Variants in TMEM268 observed in about 807,000 individuals in gnomAD.
The protein encoded by TMEM268 is transmembrane protein C9orf91.
Under a neutral mutation model 39.1 loss-of-function variants are expected in TMEM268, and 24 were observed. That is an observed-to-expected ratio of 0.61 (90% confidence interval 0.44 to 0.86). The LOEUF (loss-of-function observed/expected upper bound fraction) is 0.86. Ranked by LOEUF, TMEM268 falls within the 40% of genes least tolerant of loss-of-function variation. The pLI is 0.00. For missense variants in TMEM268, 409 were observed against 428.6 expected (o/e 0.95, Z 0.40); for synonymous variants, 176 against 173.5 (o/e 1.01, Z -0.12).
chr9:114,619,282 C>T lies in TMEM268; in HGVS notation c.106+1981C>T, dbSNP rs576909773. ...GAAACTGCTTCCCCCTCTGCGCGTG[C>T]GTGCACGCGTGCACACACACACACA... On this transcript the variant is annotated intron_variant, in intron 2 of 8. Transcript: ENST00000288502. 2.8e-3 allele frequency among the ~76,000 whole-genome samples: 338 copies of T among 119,868 alleles called. 2 individuals carry two copies. Among genetic ancestry groups the T allele is most frequent in the African/African-American group, 0.01 (308 of 29,378 alleles). The allele number at this position is 119,868 out of a possible 152,430, so 78.6% of individuals were successfully genotyped here.
chr9:114,610,253 G>A (rs1289380633), upstream of TMEM268, among the ~76,000 whole-genome samples: 1 of 152,128 alleles, frequency 6.6e-6, no homozygotes, highest in East Asian at 1.9e-4. Context: ...TGATCAGGCT[G>A]GTCTCGAACT....
chr9:114,616,005 CTTTTTTCTTTTCTTTTTTTTTT>C (rs1845690460), intron 1 of TMEM268, among the ~76,000 whole-genome samples: 1 of 137,964 alleles, frequency 7.2e-6, no homozygotes, highest in East Asian at 2.7e-4. Flanking sequence ...TTTTCTTTTT[CTTTTTTCTTTTCTTTTTTTTTT>C]TTTTTTGAGA....
chr9:114,645,645 G>T lies in TMEM268; in HGVS notation c.*2332G>T, dbSNP rs41278677. The T allele has an allele frequency of 0.038, 5,720 of 152,406 alleles. 161 individuals carry two copies. The highest frequency in any genetic ancestry group is 0.11 in the South Asian group (551 of 4,826). The allele number at this position is 152,406 out of a possible 1,614,324, so 9.4% of individuals were successfully genotyped here. A position where few individuals can be genotyped will look rare whatever the true frequency, so the allele number is the denominator to read the frequency against. On this transcript the variant is annotated 3_prime_UTR_variant, in exon 9 of 9. Coordinates refer to ENST00000288502, the MANE Select transcript of TMEM268 (RefSeq NM_153045.4). ...TTTCTCAGTCAGTCCTAGAACCCCG[G>T]TAAGTAATTAACAGAGAATAAAAAT...
chr9:114,633,792 C>T lies in TMEM268; in HGVS notation c.499C>T (p.Leu167=). The T allele has an allele frequency of 6.2e-7, 1 of 1,600,934 alleles. No homozygotes were observed. Among genetic ancestry groups the T allele is most frequent in the Non-Finnish European group, 8.5e-7 (1 of 1,173,698 alleles). Residue 167 remains leucine (L), a synonymous_variant, in exon 6 of 9, where the codon CTG becomes TTG. Transcript: ENST00000288502. ...KKANTNTDLR[L]AAANGALLRH... is the part of the protein sequence containing the mutation. Reference sequence around the variant, plus strand: ...GGCCAACACCAACACGGACCTGAGGCTGGCAGCTGCCAATGGAGCCCTCCT... The same window carrying T: ...GGCCAACACCAACACGGACCTGAGGTTGGCAGCTGCCAATGGAGCCCTCCT...
chr9:114,639,516 G>A (rs79617876), intron 8 of TMEM268, among the ~76,000 whole-genome samples: 14,512 of 151,986 alleles, frequency 0.095, 789 homozygotes, highest in East Asian at 0.15. Flanking sequence ...CTGAAAATGT[G>A]CAGCTTGTGC....
At chr9:114,632,717 A>G (rs1009431646) in intron 5 of TMEM268, among the ~76,000 whole-genome samples, 1 of 152,028 alleles carries the variant, frequency 6.6e-6, no homozygotes, top group Non-Finnish European at 1.5e-5. Flanking sequence ...AACAGATCAA[A>G]CCCATTTGAT....
Position 114,643,460 on chromosome 9 carries a change from G to A in TMEM268, c.*147G>A. On this transcript the variant is annotated 3_prime_UTR_variant, in exon 9 of 9. Coordinates refer to ENST00000288502, the MANE Select transcript of TMEM268 (RefSeq NM_153045.4). ...GGCCTGTGATGTCAGCCACTGGGGT[G>A]TTGTGCTCACTTCAGGGCCCAGCAC... The A allele has an allele frequency of 1.5e-6, 1 of 675,396 alleles. No individual in the cohort carries two copies. Among genetic ancestry groups the A allele is most frequent in the East Asian group, 2.7e-5 (1 of 37,038 alleles). The allele number at this position is 675,396 out of a possible 1,614,324, so 41.8% of individuals were successfully genotyped here.
At chr9:114,635,333 G>T (rs112493878) in intron 6 of TMEM268, among the ~76,000 whole-genome samples, 1,519 of 149,324 alleles carry the variant, frequency 0.01, 29 homozygotes, top group African/African-American at 0.036. Flanking sequence ...CTGGGCAACA[G>T]AGCGAGACTC....
In TMEM268 at chr9:114,644,569, T is replaced by C. The variant is rs890708264; in HGVS notation, c.*1256T>C. 1.3e-5 allele frequency: 2 copies of C among 151,826 alleles called. No individual in the cohort carries two copies. Among genetic ancestry groups the C allele is most frequent in the African/African-American group, 4.8e-5 (2 of 41,384 alleles). 9.4% of individuals were successfully genotyped at this position (151,826 alleles called of 1,614,324 possible). A position where few individuals can be genotyped will look rare whatever the true frequency, so the allele number is the denominator to read the frequency against. On this transcript the variant is annotated 3_prime_UTR_variant, in exon 9 of 9. Transcript: ENST00000288502. ...GGACAGAGACTACACCTTGTACTTT[T>C]TGTGCATGACCTGGACCTGCTAAGG...
chr9:114,613,068 A>C (rs927459214), intron 1 of TMEM268, among the ~76,000 whole-genome samples: 1 of 152,170 alleles, frequency 6.6e-6, no homozygotes, highest in African/African-American at 2.4e-5. Flanking sequence ...CGTTATCCCC[A>C]CTTACATGTA....
chr9:114,638,679 C>T lies in TMEM268; in HGVS notation c.802C>T (p.Leu268Phe). 6.2e-7 allele frequency: 1 copy of T among 1,604,710 alleles called. No homozygotes were observed. Reference protein sequence around the residue: ...PGNSCPNERPLMQTELHQLVP... With the variant: ...PGNSCPNERPFMQTELHQLVP... ...CAATTCTTGTCCTAACGAGAGGCCA[C>T]TCATGCAGACTGAGCTTCATCAGCT... Residue 268 changes from leucine (L) to phenylalanine (F), a missense_variant, in exon 8 of 9, where the codon CTC becomes TTC. By Grantham distance (22) the Leu-to-Phe change is conservative. Coordinates refer to ENST00000288502, the MANE Select transcript of TMEM268 (RefSeq NM_153045.4).
chr9:114,637,145 G>A, intron 7 of TMEM268, 75 bp downstream of exon 7: 1 of 990,664 alleles, frequency 1.0e-6, no homozygotes, highest in Non-Finnish European at 1.6e-6. Flanking sequence ...TCTTAAGGGT[G>A]GGAAAATGTC....
chr9:114,641,991 A>C (rs973036342), intron 8 of TMEM268, among the ~76,000 whole-genome samples: 1 of 152,172 alleles, frequency 6.6e-6, no homozygotes, highest in African/African-American at 2.4e-5. Flanking sequence ...TCAATTTTTT[A>C]ATCCTTTTTT....
chr9:114,625,608 A>AT (rs1311343726), intron 3 of TMEM268, among the ~76,000 whole-genome samples: 1 of 151,152 alleles, frequency 6.6e-6, no homozygotes, highest in Non-Finnish European at 1.5e-5. Context: ...CGGCTGGCTA[A>AT]TTTTTGTATT....
At chr9:114,609,719 GAAA>G (rs1564279362), upstream of TMEM268, among the ~76,000 whole-genome samples, 2 of 82,958 alleles carry the variant, frequency 2.4e-5, no homozygotes, top group African/African-American at 1.1e-4. Flanking sequence ...AAAAGAAAAA[GAAA>G]AAGAAAAAGA....
intron 5 of TMEM268, among the ~76,000 whole-genome samples, 197 bp from the exon 6 acceptor site, chr9:114,633,571 A>T (rs141399722): frequency 6.0e-4 from 91 of 152,232 alleles, no homozygotes; most frequent in African/African-American, 2.1e-3. Context: ...GTCTCTCAAA[A>T]CACTGGGATT....
chr9:114,622,632 G>T, intron 2 of TMEM268: 1 of 348,858 alleles, frequency 2.9e-6, no homozygotes, highest in Non-Finnish European at 4.0e-6. Context: ...GGTAGCAGTT[G>T]TGAGCAGCCT....
At chr9:114,613,748 T>C (rs1382284944) in intron 1 of TMEM268, among the ~76,000 whole-genome samples, 1 of 150,086 alleles carries the variant, frequency 6.7e-6, no homozygotes, top group African/African-American at 2.4e-5. Flanking sequence ...TCACTCTTTT[T>C]TGTTTTGTTT....
At chr9:114,627,518 G>A (rs931229672) in intron 4 of TMEM268, among the ~76,000 whole-genome samples, 6 of 152,130 alleles carry the variant, frequency 3.9e-5, no homozygotes, top group South Asian at 2.1e-4. Context: ...TGGTTTCAGC[G>A]TCTGTGCTTG....
Sources: allele counts gnomAD v4.1 joint callset (sites outside exome capture counted in the v4.1 genomes callset), GRCh38; gene constraint gnomAD v4.1.1; transcripts MANE v1.5; gene names NCBI Gene and HGNC (gene_info 2026-07-23, HGNC 2026-07-21).